CYRIB: variants seen among roughly 807,000 people sequenced by gnomAD.
The protein encoded by CYRIB is CYFIP related Rac1 interactor B, also known as CYFIP-related Rac1 interactor B.
CYRIB carries 8 observed loss-of-function variants against 44.2 expected under a neutral mutation model. That is an observed-to-expected ratio of 0.18 (90% confidence interval 0.11 to 0.33). CYRIB has a LOEUF of 0.33. CYRIB is among the 10% of genes least tolerant of loss of function. The pLI is 1.00. For synonymous variants in CYRIB, 131 were observed against 127.2 expected, an observed-to-expected ratio of 1.03 and a Z score of -0.20; for missense variants, 185 against 382.8, an observed-to-expected ratio of 0.48 and a Z score of 4.31.
At chr8:129,940,689 A>G (rs1230567683), upstream of CYRIB, among the ~76,000 whole-genome samples, 1 of 152,184 alleles carries the variant, frequency 6.6e-6, no homozygotes, top group Non-Finnish European at 1.5e-5. Flanking sequence ...TTTTATTAAC[A>G]TTAAAGGGGA....
chr8:129,919,651 A>C (rs2082535918), intron 1 of CYRIB, among the ~76,000 whole-genome samples: 1 of 152,196 alleles, frequency 6.6e-6, no homozygotes, highest in Non-Finnish European at 1.5e-5. Flanking sequence ...TTAAAAAAAC[A>C]CCAGTACTAC....
intron 1 of CYRIB, among the ~76,000 whole-genome samples, chr8:129,994,270 G>GA (rs56090609): frequency 1.6e-5 from 2 of 125,592 alleles, no homozygotes; most frequent in Non-Finnish European, 3.5e-5. Flanking sequence ...TCCAGAAGCT[G>GA]GGGGGGGTGG....
At chr8:129,865,874 A>T (rs2053248657) in intron 4 of CYRIB, among the ~76,000 whole-genome samples, 1 of 152,248 alleles carries the variant, frequency 6.6e-6, no homozygotes, top group Admixed American at 6.5e-5. Flanking sequence ...GTGTGAGGGT[A>T]GAAAAAGTCA....
At chr8:129,892,434 C>T (rs1167796990) in intron 2 of CYRIB, among the ~76,000 whole-genome samples, 2 of 151,954 alleles carry the variant, frequency 1.3e-5, no homozygotes, top group Admixed American at 1.3e-4. Context: ...AAAGCCTGGT[C>T]ACACAAGTCC....
Position 129,877,553 on chromosome 8 carries a change from G to C in CYRIB, c.73+1836C>G, listed in dbSNP as rs550670219. Among the ~76,000 whole-genome samples the C allele has an allele frequency of 4.3e-4, 66 of 151,986 alleles. 1 individual carries two copies. The highest frequency in any genetic ancestry group is 2.0e-3 in the Admixed American group (30 of 15,260). Reference sequence around the variant, plus strand: ...AGTCCCAGCTACTCTGGAGGCTGAGGTGGGAGGATCCCTTGAGCCAGGTAG... The same window carrying C: ...AGTCCCAGCTACTCTGGAGGCTGAGCTGGGAGGATCCCTTGAGCCAGGTAG... On this transcript the variant is annotated intron_variant, in intron 3 of 11. Transcript: ENST00000519824.
At chr8:129,985,301 T>C (rs1591776679) in intron 1 of CYRIB, among the ~76,000 whole-genome samples, 1 of 152,138 alleles carries the variant, frequency 6.6e-6, no homozygotes, top group Non-Finnish European at 1.5e-5. Context: ...AGGCAGTAGG[T>C]GCCACTATCC....
chr8:130,000,041 G>A (rs1027740555), intron 1 of CYRIB, among the ~76,000 whole-genome samples: 2 of 152,080 alleles, frequency 1.3e-5, no homozygotes, highest in African/African-American at 2.4e-5. Flanking sequence ...TCTGACCCTC[G>A]AAACTGTAAG....
chr8:129,859,448 A>T (rs2048116690), intron 5 of CYRIB, among the ~76,000 whole-genome samples: 1 of 152,098 alleles, frequency 6.6e-6, no homozygotes, highest in South Asian at 2.1e-4. Flanking sequence ...GTGGAGGAGC[A>T]GAGTCTTCTC....
At chr8:129,894,724 G>A (rs1293731302) in intron 2 of CYRIB, among the ~76,000 whole-genome samples, 1 of 152,046 alleles carries the variant, frequency 6.6e-6, no homozygotes, top group Non-Finnish European at 1.5e-5. Context: ...TCTGGTAAAA[G>A]CAGCATCATA....
intron 5 of CYRIB, among the ~76,000 whole-genome samples, chr8:129,861,980 TCA>T (rs1405505074): frequency 6.6e-6 from 1 of 152,124 alleles, no homozygotes; most frequent in African/African-American, 2.4e-5. Context: ...AAATCAATGC[TCA>T]GATTCATGTA....
At chr8:129,961,620 G>A (rs2095261654) in intron 2 of CYRIB, among the ~76,000 whole-genome samples, 1 of 152,200 alleles carries the variant, frequency 6.6e-6, no homozygotes, top group South Asian at 2.1e-4. Flanking sequence ...CAAGAGGGCA[G>A]GGGCTTGAAT....
intron 1 of CYRIB, among the ~76,000 whole-genome samples, chr8:129,923,789 T>C (rs950790120): frequency 6.6e-6 from 1 of 151,220 alleles, no homozygotes; most frequent in Non-Finnish European, 1.5e-5. Context: ...TTTGAAGAAG[T>C]AAAACATGAA....
At chr8:129,866,946 T>A (rs188802615) in intron 4 of CYRIB, among the ~76,000 whole-genome samples, 32 of 152,368 alleles carry the variant, frequency 2.1e-4, no homozygotes, top group Admixed American at 8.5e-4. Flanking sequence ...GGGCACTTAG[T>A]AAACGTCAAT....
At chr8:129,903,251 T>C (rs1201394699) in intron 2 of CYRIB, 61 bp downstream of exon 4, 2 of 152,632 alleles carry the variant, frequency 1.3e-5, no homozygotes, top group Non-Finnish European at 2.9e-5. Context: ...TATAAGTTTT[T>C]ATTGAAATCA....
rs1180474047 is a variant in CYRIB at position 129,869,406 on chromosome 8, C to CA, written c.195+1968dup. ...CAAAAAAAAAAAAAAAAAAAAAAAT[C>CA]AAACAGGTAATGAATAGTGTTTGTC... On this transcript the variant is annotated intron_variant, in intron 4 of 11. Transcript: ENST00000519824. 3.7e-3 allele frequency among the ~76,000 whole-genome samples: 481 copies of CA among 128,436 alleles called. 4 individuals are homozygous for CA. Among genetic ancestry groups the CA allele is most frequent in the African/African-American group, 0.013 (467 of 35,080 alleles). The allele number at this position is 128,436 out of a possible 152,430, so 84.3% of individuals were successfully genotyped here. A position where few individuals can be genotyped will look rare whatever the true frequency, so the allele number is the denominator to read the frequency against.
At chr8:129,946,501 G>T (rs2094150610) in intron 2 of CYRIB, among the ~76,000 whole-genome samples, 3 of 152,182 alleles carry the variant, frequency 2.0e-5, no homozygotes, top group Admixed American at 2.0e-4. Context: ...GAAGAAAGGG[G>T]AAGAGGACAG....
chr8:129,873,400 C>G (rs758661873), intron 3 of CYRIB, among the ~76,000 whole-genome samples: 3 of 151,880 alleles, frequency 2.0e-5, no homozygotes, highest in Non-Finnish European at 2.9e-5. Context: ...TTTAGCCAGA[C>G]CATATTTTCC....
At chr8:129,896,932 A>T (rs1211023014) in intron 2 of CYRIB, 3 of 152,238 alleles carry the variant, frequency 2.0e-5, no homozygotes, top group Non-Finnish European at 4.4e-5. Context: ...CTATGACTGA[A>T]ATGGATAAGA....
chr8:129,942,599 C>T (rs531430027), upstream of CYRIB, among the ~76,000 whole-genome samples: 14 of 152,050 alleles, frequency 9.2e-5, no homozygotes, highest in South Asian at 2.1e-4. Flanking sequence ...ATATTTTTGC[C>T]GAGGGCAAAG....
Sources: allele counts gnomAD v4.1 joint callset (sites outside exome capture counted in the v4.1 genomes callset), GRCh38; gene constraint gnomAD v4.1.1; transcripts MANE v1.5; gene names NCBI Gene and HGNC (gene_info 2026-07-23, HGNC 2026-07-21).